NRG3: variants seen among roughly 807,000 people sequenced by gnomAD.
NRG3 encodes neuregulin 3, also known as pro-neuregulin-3, membrane-bound isoform.
A neutral mutation model predicts 66.9 loss-of-function variants in NRG3; 31 were observed. The observed-to-expected ratio is 0.46, with a 90% CI of 0.35 to 0.63. The LOEUF is 0.63. NRG3 is among the 20% of genes least tolerant of loss of function. The probability of loss-of-function intolerance (pLI) is 0.00; values close to 1 mark genes in which losing one functional copy is unlikely to be tolerated. For synonymous variants in NRG3, 393 were observed against 359.4 expected (o/e 1.09, Z -1.06); for missense variants, 910 against 878.9 (o/e 1.04, Z -0.45).
intron 2 of NRG3, among the ~76,000 whole-genome samples, chr10:82,586,250 A>G (rs906215183): frequency 6.6e-6 from 1 of 151,940 alleles, no homozygotes; most frequent in African/African-American, 2.4e-5. Flanking sequence ...TAAAAAAAAA[A>G]AAAACAAGAA....
chr10:82,506,213 A>T (rs1373044308), intron 2 of NRG3, among the ~76,000 whole-genome samples: 1 of 152,164 alleles, frequency 6.6e-6, no homozygotes, highest in Non-Finnish European at 1.5e-5. Context: ...GCGCCACTGC[A>T]CTCCAGCCTA....
At chr10:82,703,523 A>G (rs752205754) in intron 2 of NRG3, among the ~76,000 whole-genome samples, 18 of 152,112 alleles carry the variant, frequency 1.2e-4, no homozygotes, top group Non-Finnish European at 2.4e-4. Context: ...ATTTGTGAAT[A>G]TGTGTTTTGG....
intron 1 of NRG3, among the ~76,000 whole-genome samples, chr10:82,200,943 A>T (rs768319054): frequency 5.3e-5 from 8 of 152,104 alleles, no homozygotes; most frequent in Non-Finnish European, 1.0e-4. Flanking sequence ...CACACCTGTA[A>T]TCCCAGCACT....
chr10:82,477,677 T>A (rs1239734913), intron 2 of NRG3, among the ~76,000 whole-genome samples: 1 of 152,150 alleles, frequency 6.6e-6, no homozygotes, highest in Admixed American at 6.5e-5. Context: ...GAACAGAAAT[T>A]ACTCTGGGAA....
At chr10:82,038,307 CAT>C (rs2132974919) in intron 1 of NRG3, among the ~76,000 whole-genome samples, 1 of 152,238 alleles carries the variant, frequency 6.6e-6, no homozygotes, top group South Asian at 2.1e-4. Context: ...CACGGGATCA[CAT>C]GTTAATAGTA....
intron 2 of NRG3, among the ~76,000 whole-genome samples, chr10:82,709,620 C>G (rs1408414220): frequency 6.6e-6 from 1 of 151,994 alleles, no homozygotes; most frequent in Non-Finnish European, 1.5e-5. Flanking sequence ...ACCTCATGAT[C>G]CCCCCGCCTC....
intron 1 of NRG3, among the ~76,000 whole-genome samples, chr10:82,262,749 G>A (rs1589511977): frequency 6.6e-6 from 1 of 152,134 alleles, no homozygotes; most frequent in Admixed American, 6.5e-5. Context: ...TGACTGCTAG[G>A]CGCAGTGTGC....
chr10:82,805,875 G>T (rs1335576251), intron 3 of NRG3, among the ~76,000 whole-genome samples: 1 of 152,152 alleles, frequency 6.6e-6, no homozygotes, highest in Non-Finnish European at 1.5e-5. Context: ...GCACAGGCCT[G>T]TTCCAAAGAC....
At chr10:82,471,439 A>G (rs77564930) in intron 2 of NRG3, among the ~76,000 whole-genome samples, 3,501 of 152,234 alleles carry the variant, frequency 0.023, 132 homozygotes, top group African/African-American at 0.078. Flanking sequence ...TTGAGAGATC[A>G]TGGGACATTC....
At chr10:82,821,045 T>G (rs545513280) in intron 3 of NRG3, among the ~76,000 whole-genome samples, 2 of 152,336 alleles carry the variant, frequency 1.3e-5, no homozygotes, top group Admixed American at 1.3e-4. Context: ...ATGGCTCCAA[T>G]TCTACTGTCT....
rs752126195 is a variant in NRG3 at position 82,807,686 on chromosome 10, A to T, written c.1028-57725A>T. ...CTTCAGAATCTTTGTTTTATTAATA[A>T]TAAGCTCCCTTGATGAATCCTATGC... On this transcript the variant is annotated intron_variant, in intron 3 of 8. Coordinates refer to ENST00000372141, the MANE Select transcript of NRG3 (RefSeq NM_001010848.4). Among the ~76,000 whole-genome samples the T allele has an allele frequency of 2.4e-4, 36 of 152,204 alleles. 2 individuals are homozygous for T. Among genetic ancestry groups the T allele is most frequent in the Admixed American group, 5.2e-4 (8 of 15,274 alleles).
intron 2 of NRG3, among the ~76,000 whole-genome samples, chr10:82,703,056 T>TC (rs2056016537): frequency 6.7e-6 from 1 of 149,480 alleles, no homozygotes; most frequent in African/African-American, 2.5e-5. Flanking sequence ...TCTTTTGTCT[T>TC]TCTCTCTCTC....
chr10:82,094,222 T>G (rs2066203411), intron 1 of NRG3, among the ~76,000 whole-genome samples: 1 of 152,170 alleles, frequency 6.6e-6, no homozygotes, highest in South Asian at 2.1e-4. Flanking sequence ...GAGATTTGTA[T>G]GTTTGTGATG....
intron 3 of NRG3, among the ~76,000 whole-genome samples, chr10:82,773,841 T>A (rs904561568): frequency 6.6e-6 from 1 of 152,212 alleles, no homozygotes; most frequent in Non-Finnish European, 1.5e-5. Flanking sequence ...GCTGTGAGAT[T>A]TTCATTAATA....
chr10:82,291,998 T>C (rs116616609), intron 1 of NRG3, among the ~76,000 whole-genome samples: 2,702 of 152,258 alleles, frequency 0.018, 60 homozygotes, highest in South Asian at 0.051. Flanking sequence ...TTTAAAATGC[T>C]TGTCTGAGAA....
intron 3 of NRG3, among the ~76,000 whole-genome samples, chr10:82,833,847 G>A (rs2062647353): frequency 1.3e-5 from 2 of 152,170 alleles, no homozygotes; most frequent in African/African-American, 4.8e-5. Flanking sequence ...AAATTTGAGT[G>A]CATTTTTGAA....
At chr10:82,247,927 A>G (rs184673862) in intron 1 of NRG3, among the ~76,000 whole-genome samples, 8 of 152,310 alleles carry the variant, frequency 5.3e-5, no homozygotes, top group African/African-American at 1.9e-4. Context: ...GGTAACTAGC[A>G]ATAACAATAA....
intron 2 of NRG3, among the ~76,000 whole-genome samples, chr10:82,405,566 C>G (rs541924770): frequency 6.7e-6 from 1 of 149,070 alleles, no homozygotes; most frequent in African/African-American, 2.5e-5. Context: ...AAGTGATTCT[C>G]ATGCCTCAAC....
At chr10:81,887,505 AAGG>A (rs1303615603) in intron 1 of NRG3, among the ~76,000 whole-genome samples, 1 of 152,160 alleles carries the variant, frequency 6.6e-6, no homozygotes, top group East Asian at 1.9e-4. Context: ...GAGTACTAGA[AAGG>A]AGATGTTTGG....
Sources: gnomAD v4.1 joint callset for allele counts (sites outside exome capture counted in the v4.1 genomes callset) on GRCh38, gnomAD v4.1.1 for gene constraint, MANE v1.5 for transcripts, NCBI Gene and HGNC (gene_info 2026-07-23, HGNC 2026-07-21) for gene names.